SMG1: variants seen among roughly 807,000 people sequenced by gnomAD.
SMG1 encodes SMG1 nonsense mediated mRNA decay associated PI3K related kinase, also known as serine/threonine-protein kinase SMG1.
A neutral mutation model predicts 419.9 loss-of-function variants in SMG1; 22 were observed. The observed-to-expected ratio is 0.05, with a 90% CI of 0.04 to 0.07. The LOEUF (loss-of-function observed/expected upper bound fraction) is 0.07. SMG1 is among the 10% of genes least tolerant of loss of function. The pLI is 1.00. For missense variants in SMG1, 3,185 were observed against 4,342.0 expected, an observed-to-expected ratio of 0.73 and a Z score of 7.49; for synonymous variants, 1,538 against 1,553.5, an observed-to-expected ratio of 0.99 and a Z score of 0.23.
In SMG1 at chr16:18,852,474, G is replaced by A. The variant is rs1478118257; in HGVS notation, c.4769-12C>T. On this transcript the variant is annotated splice_polypyrimidine_tract_variant and intron_variant, in intron 31 of 62. Coordinates refer to ENST00000446231, the MANE Select transcript of SMG1 (RefSeq NM_015092.5). ...AACTCCAATATGCACTGCCAAAATG[G>A]ACAAAAAAATAATTATAATAAAAGA... 3.3e-6 allele frequency: 5 copies of A among 1,493,366 alleles called. No individual in the cohort carries two copies. Among genetic ancestry groups the A allele is most frequent in the Admixed American group, 2.4e-5 (1 of 40,850 alleles). 92.5% of individuals were successfully genotyped at this position (1,493,366 alleles called of 1,614,324 possible). A position where few individuals can be genotyped will look rare whatever the true frequency, so the allele number is the denominator to read the frequency against.
At chr16:18,846,127 T>C (rs903768872) in intron 38 of SMG1, among the ~76,000 whole-genome samples, 8 of 152,058 alleles carry the variant, frequency 5.3e-5, no homozygotes, top group African/African-American at 1.4e-4. Context: ...AATTTTTTGT[T>C]TTTTAAAAAA....
intron 51 of SMG1, 57 bp downstream of exon 51, chr16:18,832,881 CCT>C (rs2141233400): frequency 7.0e-7 from 1 of 1,434,406 alleles, no homozygotes; most frequent in African/African-American, 1.4e-5. Context: ...GCTCAGAATC[CCT>C]TTCTCTGGCT....
chr16:18,886,609 C>T (rs759280237), intron 6 of SMG1, among the ~76,000 whole-genome samples: 30 of 152,226 alleles, frequency 2.0e-4, no homozygotes, highest in Non-Finnish European at 3.7e-4. Context: ...TCAAGACCAG[C>T]CTGGCCAGCA....
chr16:18,846,503 T>G (rs898639542), intron 38 of SMG1, among the ~76,000 whole-genome samples: 1 of 148,278 alleles, frequency 6.7e-6, no homozygotes, highest in Non-Finnish European at 1.5e-5. Flanking sequence ...CCAGAATACA[T>G]AGAGAACTCC....
At position 18,863,908 on chromosome 16, in the gene SMG1, A is replaced by T; in HGVS notation, c.3494-57T>A. On this transcript the variant is annotated intron_variant, in intron 24 of 62. Coordinates refer to ENST00000446231, the MANE Select transcript of SMG1 (RefSeq NM_015092.5). Reference sequence around the variant, plus strand: ...GATTCAGATCAGTTAGAAATATTTCAAAGAGCACAGAAACCTAAAAACATA... The same window carrying T: ...GATTCAGATCAGTTAGAAATATTTCTAAGAGCACAGAAACCTAAAAACATA... 2.5e-6 allele frequency: 4 copies of T among 1,587,074 alleles called. No homozygotes were observed. The Admixed American group carries it at 7.0e-5, about 28-fold the overall frequency.
chr16:18,894,107 A>G (rs1389206046), intron 3 of SMG1, among the ~76,000 whole-genome samples: 1 of 151,822 alleles, frequency 6.6e-6, no homozygotes, highest in East Asian at 1.9e-4. Context: ...AAGGGGAACA[A>G]CACACACTGG....
chr16:18,908,651 G>A (rs372539208), intron 1 of SMG1, among the ~76,000 whole-genome samples: 36 of 150,618 alleles, frequency 2.4e-4, no homozygotes, highest in Admixed American at 2.2e-3. Flanking sequence ...AGGCCAAGGC[G>A]GGAGGATCTC....
rs1354238105 is a variant in SMG1 at position 18,829,301 on chromosome 16, A to G, written c.9588T>C (p.His3196=). 6.2e-7 allele frequency: 1 copy of G among 1,611,934 alleles called. No homozygotes were observed. The highest frequency in any genetic ancestry group is 1.7e-5 in the Admixed American group (1 of 59,978). ...AAACACTTACCTGAAACATGGCAAT[A>G]TGCAGCTGAACCCGCTGCAGGCTTG... ...CKTSLQRVQL[H]IAMFQWQHED... Residue 3196 remains histidine (H), a synonymous_variant, in exon 54 of 63, where the codon CAT becomes CAC. Coordinates refer to ENST00000446231, the MANE Select transcript of SMG1 (RefSeq NM_015092.5).
chr16:18,841,690 G>C lies in SMG1; in HGVS notation c.6571C>G (p.Arg2191Gly). 2 of 1,613,914 alleles carry C rather than the reference G, an allele frequency of 1.2e-6. No homozygotes were observed. The highest frequency in any genetic ancestry group is 2.2e-5 in the East Asian group (1 of 44,886). The change falls in exon 41 of 63, where the codon CGA becomes GGA. Residue 2191 changes from arginine to glycine, a missense_variant. Physicochemically the swap from Arg to Gly is moderately radical, Grantham distance 125 (BLOSUM62 -2). This residue lies in a region of SMG1 where 35 missense variants were observed against 33.8 expected (regional missense o/e 1.04). Coordinates refer to ENST00000446231, the MANE Select transcript of SMG1 (RefSeq NM_015092.5). Reference sequence around the variant, plus strand: ...CCTAGTGGTGTTACAGAATAGTGTCGAGCATGGAACCGGGGTGTTTCTTGG... The same window carrying C: ...CCTAGTGGTGTTACAGAATAGTGTCCAGCATGGAACCGGGGTGTTTCTTGG... ...NRQETPRFHA[R>G]HYSVTPLGTR...
rs1009413808 is a variant in SMG1, at chr16:18,852,108, C to T, written c.5011G>A (p.Gly1671Ser). Residue 1671 changes from glycine (G) to serine (S), a missense_variant, in exon 33 of 63, where the codon GGT (glycine) becomes AGT (serine). Around this residue, in one of 27 missense-constraint regions of SMG1, gnomAD observed 493 missense variants for 552.9 expected, o/e 0.89. Transcript: ENST00000446231. ...ITEEEKERIY[G>S]ILGQAVCRPA... is the part of the protein sequence containing the mutation. ...CGACACACAGCCTGTCCAAGAATAC[C>T]ATATATTCTCTCTTTCTCTTCCTCA... 6.2e-7 allele frequency: 1 copy of T among 1,613,462 alleles called. No individual in the cohort carries two copies. Among genetic ancestry groups the T allele is most frequent in the Non-Finnish European group, 8.5e-7 (1 of 1,179,722 alleles).
intron 51 of SMG1, 56 bp from the exon 52 acceptor site, chr16:18,830,425 G>A (rs905459380): frequency 6.4e-7 from 1 of 1,573,874 alleles, no homozygotes; most frequent in Non-Finnish European, 8.7e-7. Flanking sequence ...CCTTTGGTGG[G>A]AACATACAAA....
At chr16:18,828,249 G>A in intron 54 of SMG1, 81 bp from the exon 55 acceptor site, 1 of 1,403,060 alleles carries the variant, frequency 7.1e-7, no homozygotes, top group Non-Finnish European at 9.7e-7. Flanking sequence ...CGCAACCTAG[G>A]ACTGGCGGAA....
Position 18,887,333 on chromosome 16 carries a change from T to C in SMG1, c.823-1667A>G, listed in dbSNP as rs1267607330. Among the ~76,000 whole-genome samples, 5 of 151,832 alleles carry C rather than the reference T, an allele frequency of 3.3e-5. 1 individual carries two copies. Among genetic ancestry groups the C allele is most frequent in the Non-Finnish European group, 7.4e-5 (5 of 67,952 alleles). On this transcript the variant is annotated intron_variant, in intron 6 of 62. Coordinates refer to ENST00000446231, the MANE Select transcript of SMG1 (RefSeq NM_015092.5). ...CCCTCAAATTTTTCTCAAACCTCTATAATCAAGGGGAAAAATGTTTTGTTT... is the reference window on the plus strand; with the variant it reads ...CCCTCAAATTTTTCTCAAACCTCTACAATCAAGGGGAAAAATGTTTTGTTT...
At chr16:18,853,145 G>C (rs1215191520) in intron 31 of SMG1, among the ~76,000 whole-genome samples, 1 of 152,128 alleles carries the variant, frequency 6.6e-6, no homozygotes, top group African/African-American at 2.4e-5. Context: ...TCCACAACAG[G>C]CACTCAAACA....
At position 18,829,760 on chromosome 16, in the gene SMG1, A is replaced by C; in HGVS notation, c.9134-5T>G. 3 of 1,582,466 alleles carry C rather than the reference A, an allele frequency of 1.9e-6. No homozygotes were observed. Among genetic ancestry groups the C allele is most frequent in the Non-Finnish European group, 1.7e-6 (2 of 1,163,592 alleles). On this transcript the variant is annotated splice_region_variant and splice_polypyrimidine_tract_variant and intron_variant, in intron 53 of 62. Transcript: ENST00000446231. The stretch of plus-strand genomic sequence containing the variant: ...GATCTTCAAGTGAACTTGATCCTAC[A>C]AAAAGGAAAAATTTCTTGTATTTCA...
At position 18,819,796 on chromosome 16, in the gene SMG1, C is replaced by T; in HGVS notation, c.9742-142G>A. ...TAGAAAACAAAAGTTTTAACAATCA[C>T]CTTTTGGAATTAACCTTGATTTCAC... On this transcript the variant is annotated intron_variant, in intron 55 of 62. Transcript: ENST00000446231. 4 of 823,934 alleles carry T rather than the reference C, an allele frequency of 4.9e-6. No homozygotes were observed. In the South Asian group the frequency reaches 9.6e-5, roughly 20 times the overall value. The allele number at this position is 823,934 out of a possible 1,614,324, so 51.0% of individuals were successfully genotyped here.
Position 18,911,163 on chromosome 16 carries a change from T to C in SMG1, c.93-14207A>G, listed in dbSNP as rs553031110. ...TGCAGAGCTATGCTGAAATTTCTTA[T>C]TGTTCAACTTGAAATAGGTTTACAG... is the stretch of plus-strand genomic sequence containing the variant. On this transcript the variant is annotated intron_variant, in intron 1 of 62. Transcript: ENST00000446231. 1.1e-4 allele frequency among the ~76,000 whole-genome samples: 17 copies of C among 152,330 alleles called. No homozygotes were observed. In the South Asian group the frequency reaches 3.1e-3, roughly 28 times the overall value.
At chr16:18,918,985 A>G (rs986050968) in intron 1 of SMG1, among the ~76,000 whole-genome samples, 1 of 152,176 alleles carries the variant, frequency 6.6e-6, no homozygotes, top group Non-Finnish European at 1.5e-5. Flanking sequence ...CTTTTCTCCC[A>G]TAATAACTTA....
At chr16:18,921,153 AAAG>A (rs1193267512) in intron 1 of SMG1, among the ~76,000 whole-genome samples, 66 of 149,352 alleles carry the variant, frequency 4.4e-4, no homozygotes, top group Admixed American at 6.1e-4. Context: ...AAAAAAAAAA[AAAG>A]AGAGAGAGAG....
Sources: gnomAD v4.1 joint callset for allele counts (sites outside exome capture counted in the v4.1 genomes callset) on GRCh38, gnomAD v4.1.1 for gene constraint, gnomAD v4.1.1 regional missense constraint, MANE v1.5 for transcripts, NCBI Gene and HGNC (gene_info 2026-07-23, HGNC 2026-07-21) for gene names.